The following OTULIN variants were observed in gnomAD, a reference collection of about 807,000 sequenced individuals.
OTULIN encodes ubiquitin thioesterase otulin.
In OTULIN, 15 loss-of-function variants were observed where a neutral mutation model predicts 39.6. The ratio of observed to expected loss-of-function variants is 0.38; its 90% CI spans 0.25 to 0.58. The LOEUF (loss-of-function observed/expected upper bound fraction) is 0.58, where lower values mean the gene tolerates loss of function less well. OTULIN is among the 20% of genes least tolerant of loss of function. The pLI is 0.66. For synonymous variants in OTULIN, 156 were observed against 170.3 expected, an observed-to-expected ratio of 0.92 and a Z score of 0.65; for missense variants, 319 against 445.9, an observed-to-expected ratio of 0.72 and a Z score of 2.56.
intron 4 of OTULIN, among the ~76,000 whole-genome samples, chr5:14,686,218 T>G (rs1167220618): frequency 2.0e-5 from 3 of 152,238 alleles, no homozygotes; most frequent in Non-Finnish European, 2.9e-5. Context: ...TACATTCCAG[T>G]TGAATGGAAG....
chr5:14,678,532 C>T (rs376609117), intron 2 of OTULIN, 149 bp from the exon 3 acceptor site: 15 of 587,070 alleles, frequency 2.6e-5, no homozygotes, highest in East Asian at 1.2e-4. Flanking sequence ...TGATGGTGGT[C>T]TGGACCAGCG....
the OTULIN span, among the ~76,000 whole-genome samples, chr5:14,714,676 G>C: frequency 2.0e-5 from 3 of 152,200 alleles, no homozygotes; most frequent in African/African-American, 7.2e-5. Flanking sequence ...CAGACCCACT[G>C]AGGTTTTTGA....
At chr5:14,670,836 T>C (rs1370124477) in intron 1 of OTULIN, among the ~76,000 whole-genome samples, 2 of 151,996 alleles carry the variant, frequency 1.3e-5, no homozygotes, top group Admixed American at 1.3e-4. Flanking sequence ...AACTCCTGGC[T>C]TTAAGCAGGA....
chr5:14,666,518 T>C (rs932564766), intron 1 of OTULIN, among the ~76,000 whole-genome samples: 1 of 152,204 alleles, frequency 6.6e-6, no homozygotes, highest in African/African-American at 2.4e-5. Flanking sequence ...CTACCTCTTC[T>C]GGGCTTCCTC....
intron 1 of OTULIN, among the ~76,000 whole-genome samples, chr5:14,668,392 A>G (rs1735901980): frequency 6.6e-6 from 1 of 152,194 alleles, no homozygotes; most frequent in Admixed American, 6.5e-5. Flanking sequence ...TGGAAAGTCC[A>G]CTTGCAGAAG....
chr5:14,673,320 G>A (rs532496923), intron 1 of OTULIN, among the ~76,000 whole-genome samples: 2 of 152,286 alleles, frequency 1.3e-5, no homozygotes, highest in African/African-American at 4.8e-5. Flanking sequence ...TCACTAATAA[G>A]ATGCATGCTA....
chr5:14,669,730 G>A (rs1163760571), intron 1 of OTULIN, among the ~76,000 whole-genome samples: 4 of 152,140 alleles, frequency 2.6e-5, no homozygotes, highest in African/African-American at 9.7e-5. Context: ...GTGGTTGCAC[G>A]GCTGTAGTCT....
intron 2 of OTULIN, 26 bp downstream of exon 2, chr5:14,673,744 A>G: frequency 1.3e-6 from 2 of 1,596,362 alleles, no homozygotes; most frequent in Non-Finnish European, 1.7e-6. Flanking sequence ...TTTTATTTAT[A>G]GAGTTCTTAT....
chr5:14,674,691 G>A (rs898586301), intron 2 of OTULIN, among the ~76,000 whole-genome samples: 9 of 152,010 alleles, frequency 5.9e-5, no homozygotes, highest in Non-Finnish European at 1.2e-4. Context: ...GGAGTTTGAG[G>A]ATGTAGTGAG....
intron 3 of OTULIN, among the ~76,000 whole-genome samples, chr5:14,680,067 A>T (rs575979367): frequency 6.6e-6 from 1 of 152,232 alleles, no homozygotes; most frequent in Non-Finnish European, 1.5e-5. Context: ...TTTTGGAAGT[A>T]AGTTTCTACA....
the OTULIN span, among the ~76,000 whole-genome samples, chr5:14,714,112 G>A: frequency 6.6e-6 from 1 of 152,254 alleles, no homozygotes; most frequent in Non-Finnish European, 1.5e-5. Flanking sequence ...AGAGGTGTGG[G>A]GACCAAGCAG....
At chr5:14,668,588 G>T (rs920152383) in intron 1 of OTULIN, among the ~76,000 whole-genome samples, 2 of 152,106 alleles carry the variant, frequency 1.3e-5, no homozygotes, top group Non-Finnish European at 2.9e-5. Context: ...CCTTAGTGTT[G>T]ACATTAGTCT....
rs1200964135 is a variant in OTULIN, at chr5:14,673,708, A to T, written c.219A>T (p.Arg73Ser). 6.2e-7 allele frequency: 1 copy of T among 1,613,430 alleles called. No individual in the cohort carries two copies. Among genetic ancestry groups the T allele is most frequent in the South Asian group, 1.1e-5 (1 of 91,038 alleles). ...AGAAAGAATTGCTTATACATGAAAG[A>T]GGGGCATCAGGTATGTTTGGAATTG... The part of the protein sequence containing the change: ...EKEKELLIHE[R>S]GASEPRLSVA... The change falls in exon 2 of 7, where the codon AGA becomes AGT. Residue 73 changes from arginine (R) to serine (S), a missense_variant. By Grantham distance (110) the Arg-to-Ser change is moderately radical. Transcript: ENST00000284274.
At chr5:14,670,343 A>C (rs1735949570) in intron 1 of OTULIN, among the ~76,000 whole-genome samples, 1 of 152,252 alleles carries the variant, frequency 6.6e-6, no homozygotes, top group Non-Finnish European at 1.5e-5. Flanking sequence ...GGCCTTTAGT[A>C]TCATTTCATT....
chr5:14,677,441 C>T (rs990993577), intron 2 of OTULIN, among the ~76,000 whole-genome samples: 2 of 152,164 alleles, frequency 1.3e-5, no homozygotes, highest in African/African-American at 4.8e-5. Context: ...ATTCTAAAAT[C>T]ATTGCTAGCA....
intron 4 of OTULIN, among the ~76,000 whole-genome samples, chr5:14,681,839 A>G (rs1736259445): frequency 6.6e-6 from 1 of 152,240 alleles, no homozygotes; most frequent in African/African-American, 2.4e-5. Context: ...TAGTTGAATT[A>G]GAGAGCAGAT....
chr5:14,667,644 G>A (rs1735883791), intron 1 of OTULIN, among the ~76,000 whole-genome samples: 1 of 152,148 alleles, frequency 6.6e-6, no homozygotes, highest in Admixed American at 6.5e-5. Flanking sequence ...TGAAGTCCTG[G>A]GATTACAGGC....
intron 2 of OTULIN, among the ~76,000 whole-genome samples, chr5:14,678,226 G>A (rs994082535): frequency 7.2e-5 from 11 of 152,348 alleles, no homozygotes; most frequent in African/African-American, 2.4e-4. Flanking sequence ...CTCTGCAGGT[G>A]CGGGGAAGAG....
intron 2 of OTULIN, among the ~76,000 whole-genome samples, chr5:14,676,355 G>C (rs1480628566): frequency 6.6e-6 from 1 of 152,186 alleles, no homozygotes; most frequent in African/African-American, 2.4e-5. Flanking sequence ...GCTGCTCGAG[G>C]TCAGGTACTG....
Sources: gnomAD v4.1 joint callset for allele counts (sites outside exome capture counted in the v4.1 genomes callset) on GRCh38, gnomAD v4.1.1 for gene constraint, MANE v1.5 for transcripts, NCBI Gene and HGNC (gene_info 2026-07-23, HGNC 2026-07-21) for gene names.